ERMP1: variants seen among roughly 807,000 people sequenced by gnomAD.
ERMP1 encodes the protein Felix-ina.
A neutral mutation model predicts 92.0 loss-of-function variants in ERMP1; 86 were observed. That is an observed-to-expected ratio of 0.93 (90% CI 0.79 to 1.12). The LOEUF (loss-of-function observed/expected upper bound fraction) is 1.12. Ranked by LOEUF, ERMP1 falls within the 50% of genes most tolerant of loss-of-function variation. The pLI, the probability that ERMP1 is intolerant of heterozygous loss-of-function variation, is 0.00. For missense variants in ERMP1, 1,342 were observed against 1,116.3 expected, an observed-to-expected ratio of 1.20 and a Z score of -2.88; for synonymous variants, 530 against 412.8, an observed-to-expected ratio of 1.28 and a Z score of -3.44.
At chr9:5,791,510 C>T (rs1563746001) in intron 13 of ERMP1, among the ~76,000 whole-genome samples, 1 of 152,106 alleles carries the variant, frequency 6.6e-6, no homozygotes, top group Non-Finnish European at 1.5e-5. Context: ...TGACCAGATA[C>T]CTGGGTGCTG....
chr9:5,861,159 A>G (rs1386342074), intron 5 of ERMP1, among the ~76,000 whole-genome samples: 1 of 134,020 alleles, frequency 7.5e-6, no homozygotes, highest in Non-Finnish European at 1.6e-5. Flanking sequence ...TGAACCCACA[A>G]TGGCTTAGGG....
chr9:5,826,512 C>G (rs1293226216), intron 2 of ERMP1, among the ~76,000 whole-genome samples: 1 of 152,144 alleles, frequency 6.6e-6, no homozygotes. Context: ...CTTTGCAAAT[C>G]TGAGGAAGGC....
intron 4 of ERMP1, among the ~76,000 whole-genome samples, chr9:5,815,899 T>C (rs1453170179): frequency 6.7e-6 from 1 of 149,584 alleles, no homozygotes; most frequent in Non-Finnish European, 1.5e-5. Flanking sequence ...AATACGTACA[T>C]TACGAGATCT....
At chr9:5,788,155 A>G (rs1828019839) in intron 13 of ERMP1, among the ~76,000 whole-genome samples, 1 of 152,216 alleles carries the variant, frequency 6.6e-6, no homozygotes. Flanking sequence ...AAACAAAAAC[A>G]CACCCTCAGC....
intron 13 of ERMP1, among the ~76,000 whole-genome samples, chr9:5,792,798 C>G (rs546836260): frequency 5.3e-4 from 80 of 152,194 alleles, no homozygotes; most frequent in African/African-American, 1.8e-3. Flanking sequence ...ACTGCAAGCT[C>G]CATAGCAACC....
chr9:5,831,384 T>C (rs761797761), intron 1 of ERMP1, among the ~76,000 whole-genome samples: 9 of 152,092 alleles, frequency 5.9e-5, no homozygotes, highest in Admixed American at 1.3e-4. Flanking sequence ...GGTGGGTGGA[T>C]TGCTTGAGCT....
intron 6 of ERMP1, among the ~76,000 whole-genome samples, chr9:5,841,377 C>A (rs1310655209): frequency 6.6e-6 from 1 of 152,204 alleles, no homozygotes; most frequent in African/African-American, 2.4e-5. Context: ...TGATTCCACT[C>A]ATTTAAAATA....
At chr9:5,805,333 G>C in intron 9 of ERMP1, 116 bp from the exon 10 acceptor site, 1 of 776,444 alleles carries the variant, frequency 1.3e-6, no homozygotes, top group Non-Finnish European at 2.0e-6. Flanking sequence ...TGTGACTCTT[G>C]CCCTTAAGGG....
intron 3 of ERMP1, 78 bp downstream of exon 3, chr9:5,825,014 A>G (rs1829681877): frequency 7.0e-6 from 10 of 1,430,358 alleles, no homozygotes; most frequent in Admixed American, 1.8e-5. Flanking sequence ...TGCATTTACT[A>G]TTTAGTAAAT....
At chr9:5,799,035 CTG>C (rs767201987) in intron 11 of ERMP1, 27 bp from the exon 12 acceptor site, 1 of 1,548,228 alleles carries the variant, frequency 6.5e-7, no homozygotes, top group Non-Finnish European at 8.9e-7. Flanking sequence ...AGTGAAAAAA[CTG>C]TTTCAACTAG....
chr9:5,798,651 T>TAA (rs57347922), intron 12 of ERMP1, among the ~76,000 whole-genome samples, 155 bp downstream of exon 12: 1 of 119,264 alleles, frequency 8.4e-6, no homozygotes, highest in Non-Finnish European at 1.8e-5. Context: ...TTTATTCCAC[T>TAA]AAAAAAAAAA....
chr9:5,825,321 A>G lies in ERMP1; in HGVS notation c.641-102T>C, dbSNP rs1034777012. On this transcript the variant is annotated intron_variant, in intron 2 of 14. Coordinates refer to ENST00000339450, the MANE Select transcript of ERMP1 (RefSeq NM_024896.3). Reference sequence around the variant, plus strand: ...GCTTTCTCCTCAGAGAAGCATCACAATAGCTGCATGACCAGAAGCATAGCT... The same window carrying G: ...GCTTTCTCCTCAGAGAAGCATCACAGTAGCTGCATGACCAGAAGCATAGCT... The G allele has an allele frequency of 2.4e-5, 27 of 1,124,376 alleles. No individual in the cohort carries two copies. The African/African-American group carries it at 4.1e-4, about 17-fold the overall frequency. The allele number at this position is 1,124,376 out of a possible 1,614,324, so 69.6% of individuals were successfully genotyped here.
intron 6 of ERMP1, among the ~76,000 whole-genome samples, chr9:5,851,214 G>T (rs533093830): frequency 1.3e-5 from 2 of 152,300 alleles, no homozygotes; most frequent in African/African-American, 4.8e-5. Flanking sequence ...CTACTAGGAA[G>T]CTCAGAGCCA....
exon 6 of ERMP1, among the ~76,000 whole-genome samples, chr9:5,859,607 A>G (rs1264246645): frequency 6.6e-6 from 1 of 152,194 alleles, no homozygotes; most frequent in Non-Finnish European, 1.5e-5. Flanking sequence ...ATCAGTTGAC[A>G]ATGCCTGTCA....
intron 8 of ERMP1, among the ~76,000 whole-genome samples, chr9:5,807,305 T>C (rs918873556): frequency 1.3e-5 from 2 of 152,210 alleles, no homozygotes; most frequent in African/African-American, 2.4e-5. Flanking sequence ...CACTTCACCC[T>C]GGCCTCCTTT....
intron 8 of ERMP1, among the ~76,000 whole-genome samples, chr9:5,808,748 G>C (rs375329521): frequency 1.3e-4 from 19 of 151,930 alleles, no homozygotes; most frequent in African/African-American, 4.6e-4. Context: ...TTGTTTGTTT[G>C]TTTGTTTGAG....
intron 12 of ERMP1, 126 bp downstream of exon 12, chr9:5,798,680 A>G (rs1828545704): frequency 1.7e-6 from 1 of 595,690 alleles, no homozygotes; most frequent in Non-Finnish European, 2.9e-6. Context: ...TCATAATGAT[A>G]GAAAAAATAG....
Position 5,801,247 on chromosome 9 carries a change from CA to C in ERMP1, c.1995del (p.Val666PhefsTer26). On this transcript the variant is annotated frameshift_variant, in exon 11 of 15. Transcript: ENST00000339450. LOFTEE classifies it high-confidence loss of function. ...LTLVCAITFLLVCSGTFFPYS... is the reference protein window; with the variant it reads ...LTLVCAITFLXVCSGTFFPYS... ...TATGGAAAAAATGTTCCACTGCAAA[CA>C]AGGAGGAATGTAATTGCACATACCA... 6.2e-7 allele frequency: 1 copy of C among 1,613,768 alleles called. No homozygotes were observed. The highest frequency in any genetic ancestry group is 8.5e-7 in the Non-Finnish European group (1 of 1,179,858).
rs781261647 is a variant in ERMP1, at chr9:5,797,833, C to T, written c.2370G>A (p.Leu790=). 2.5e-6 allele frequency: 4 copies of T among 1,601,154 alleles called. No homozygotes were observed. The Admixed American group carries it at 7.0e-5, about 28-fold the overall frequency. Reference sequence around the variant, plus strand: ...ATGACTTACCTGTTGCTTCAAAAGTCAATTTTATAGAATCCCAAGGTGTCT... The same window carrying T: ...ATGACTTACCTGTTGCTTCAAAAGTTAATTTTATAGAATCCCAAGGTGTCT... The part of the protein sequence containing the change: ...KEQTPWDSIK[L]TFEATGPSHM... Residue 790 remains leucine (L), a synonymous_variant, in exon 13 of 15, where the codon TTG becomes TTA. Coordinates refer to ENST00000339450, the MANE Select transcript of ERMP1 (RefSeq NM_024896.3).
Sources: allele counts gnomAD v4.1 joint callset (sites outside exome capture counted in the v4.1 genomes callset), GRCh38; gene constraint gnomAD v4.1.1; transcripts MANE v1.5; gene names NCBI Gene and HGNC (gene_info 2026-07-23, HGNC 2026-07-21).